The following TMPRSS7 variants were observed in gnomAD, a reference collection of about 807,000 sequenced individuals.
TMPRSS7 encodes transmembrane protease serine 7.
TMPRSS7 carries 81 observed loss-of-function variants against 95.6 expected under a neutral mutation model. The ratio of observed to expected loss-of-function variants is 0.85; its 90% CI spans 0.71 to 1.02. The LOEUF is 1.02. Ranked by LOEUF, TMPRSS7 falls within the 50% of genes least tolerant of loss-of-function variation. The pLI is 0.00. For missense variants in TMPRSS7, 945 were observed against 955.2 expected (o/e 0.99, Z 0.14); for synonymous variants, 364 against 337.8 (o/e 1.08, Z -0.85).
chr3:112,058,869 C>A (rs1212336962), intron 10 of TMPRSS7, among the ~76,000 whole-genome samples: 1 of 152,212 alleles, frequency 6.6e-6, no homozygotes, highest in Non-Finnish European at 1.5e-5. Context: ...CTTCACTAGG[C>A]TTGTGGGCTG....
At chr3:112,051,692 T>TATCTATCTATCC (rs1490134446) in intron 9 of TMPRSS7, among the ~76,000 whole-genome samples, 3 of 151,788 alleles carry the variant, frequency 2.0e-5, no homozygotes, top group Admixed American at 2.0e-4. Context: ...TCTATCTATC[T>TATCTATCTATCC]ATCTCTATTA....
chr3:112,043,501 G>A (rs1195526012), intron 3 of TMPRSS7, among the ~76,000 whole-genome samples: 1 of 150,720 alleles, frequency 6.6e-6, no homozygotes, highest in African/African-American at 2.4e-5. Flanking sequence ...CATGTTCTGT[G>A]TTGCACAGTG....
chr3:112,065,643 G>C (rs2073567802), intron 12 of TMPRSS7, among the ~76,000 whole-genome samples: 1 of 152,114 alleles, frequency 6.6e-6, no homozygotes, highest in Non-Finnish European at 1.5e-5. Context: ...TTTTAGGGCA[G>C]CAATATCCTC....
chr3:112,075,189 C>G (rs878990710), intron 14 of TMPRSS7, 132 bp from the exon 15 acceptor site: 1 of 845,678 alleles, frequency 1.2e-6, no homozygotes, highest in Non-Finnish European at 1.6e-6. Context: ...CTCACATGTT[C>G]TCTGTCCTCT....
rs139574201 is a variant in TMPRSS7, at chr3:112,058,763, G to A, written c.1310+1632G>A. ...TATCCCTAAATCACAACAACGACCC[G>A]GGATGTGTTTATTGCTGCCTAAGTA... On this transcript the variant is annotated intron_variant, in intron 10 of 17. Transcript: ENST00000452346. Among the ~76,000 whole-genome samples, 1,020 of 152,190 alleles carry A rather than the reference G, an allele frequency of 6.7e-3. 7 individuals are homozygous for A. The highest frequency in any genetic ancestry group is 0.023 in the African/African-American group (956 of 41,508).
chr3:112,078,926 A>C (rs755537411), intron 17 of TMPRSS7, 48 bp downstream of exon 17: 130 of 1,597,706 alleles, frequency 8.1e-5, no homozygotes, highest in Non-Finnish European at 1.0e-4. Context: ...GCTTTCCATA[A>C]ATGCTTTCTC....
Position 112,061,826 on chromosome 3 carries a change from AGT to A in TMPRSS7, c.1352_1353del (p.Val451AlafsTer39), listed in dbSNP as rs1436850542. On this transcript the variant is annotated frameshift_variant, in exon 11 of 18. Coordinates refer to ENST00000452346, the Ensembl canonical transcript of TMPRSS7. LOFTEE classifies it high-confidence loss of function. ...ACATGGATCATCAGACAATTTTTCGAGTGCCCAGCCCTCTGGTTCACATTCAG... is the reference window on the plus strand; with the variant it reads ...ACATGGATCATCAGACAATTTTTCGAGCCCAGCCCTCTGGTTCACATTCAG... The A allele has an allele frequency of 3.7e-6, 6 of 1,611,586 alleles. No homozygotes were observed. Among genetic ancestry groups the A allele is most frequent in the Non-Finnish European group, 5.1e-6 (6 of 1,178,708 alleles).
At chr3:112,049,924 T>C in exon 8 of TMPRSS7, 2 of 1,571,170 alleles carry the variant, frequency 1.3e-6, no homozygotes, top group Non-Finnish European at 1.7e-6. Context: ...TCTCCTCATA[T>C]ACGGAGGCTC....
downstream of TMPRSS7, chr3:112,081,236 T>C (rs879115651): frequency 4.1e-5 from 17 of 416,174 alleles, no homozygotes; most frequent in South Asian, 7.3e-4. Flanking sequence ...GTCAAGACCA[T>C]CCTGGCTAAC....
At chr3:112,079,974 TACACAGCCCTGTTCC>T (rs1415627460) in intron 17 of TMPRSS7, among the ~76,000 whole-genome samples, 5 of 152,150 alleles carry the variant, frequency 3.3e-5, no homozygotes, top group Admixed American at 1.3e-4. Context: ...GCTAGTCGGT[TACACAGCCCTGTTCC>T]ACACAGCCAC....
chr3:112,052,924 G>GA (rs61299463), intron 9 of TMPRSS7, among the ~76,000 whole-genome samples: 1,964 of 139,030 alleles, frequency 0.014, 36 homozygotes, highest in African/African-American at 0.048. Flanking sequence ...AAATGCTGAA[G>GA]AAAAAAAAAA....
In TMPRSS7 at chr3:112,078,801, T is replaced by C. The variant is rs745340819; in HGVS notation, c.2284T>C (p.Cys762Arg). Reference sequence around the variant, plus strand: ...GGTAGAGCTCATTGATCAAACGCTCTGTGTTTCCACCTACGGGATCATCAC... The same window carrying C: ...GGTAGAGCTCATTGATCAAACGCTCCGTGTTTCCACCTACGGGATCATCAC... Residue 762 changes from cysteine to arginine, a missense_variant, in exon 17 of 18, where the codon TGT becomes CGT. Cys to Arg is a radical substitution (Grantham distance 180). Coordinates refer to ENST00000452346, the Ensembl canonical transcript of TMPRSS7. 3 of 1,614,224 alleles carry C rather than the reference T, an allele frequency of 1.9e-6. No individual in the cohort carries two copies. In the South Asian group the frequency reaches 3.3e-5, roughly 18 times the overall value.
intron 4 of TMPRSS7, among the ~76,000 whole-genome samples, chr3:112,045,466 G>T (rs2073266063): frequency 6.6e-6 from 1 of 152,210 alleles, no homozygotes; most frequent in South Asian, 2.1e-4. Context: ...AAATTTTAAT[G>T]GCAGTGAATA....
chr3:112,077,022 G>T (rs566777394), exon 16 of TMPRSS7: 56 of 1,614,172 alleles, frequency 3.5e-5, no homozygotes, highest in Non-Finnish European at 4.7e-5. Context: ...CTACAGCTCA[G>T]TATTGCCTGG....
At position 112,038,070 on chromosome 3, in the gene TMPRSS7, A is replaced by C; in HGVS notation, c.49-2A>C. 1 of 699,594 alleles carries C rather than the reference A, an allele frequency of 1.4e-6. No homozygotes were observed. 43.3% of individuals were successfully genotyped at this position (699,594 alleles called of 1,614,324 possible). On this transcript the variant is annotated splice_acceptor_variant, in intron 1 of 17. Transcript: ENST00000452346. LOFTEE classifies it high-confidence loss of function. ...AACATATCTTATTTCTTTTTTTTGA[A>C]GATATCCAATATCTCAGTCCAAGTG...
chr3:112,049,828 T>C lies in TMPRSS7; in HGVS notation c.960-16T>C, dbSNP rs2073323660. The C allele has an allele frequency of 1.3e-6, 2 of 1,507,558 alleles. 1 individual carries two copies. Among genetic ancestry groups the C allele is most frequent in the South Asian group, 2.7e-5 (2 of 73,952 alleles). The allele number at this position is 1,507,558 out of a possible 1,614,324, so 93.4% of individuals were successfully genotyped here. A position where few individuals can be genotyped will look rare whatever the true frequency, so the allele number is the denominator to read the frequency against. On this transcript the variant is annotated splice_polypyrimidine_tract_variant and intron_variant, in intron 7 of 17. Coordinates refer to ENST00000452346, the Ensembl canonical transcript of TMPRSS7. ...ACGTATTATTCATGTACTTTTGTTT[T>C]ATTATCTGCTTTCAGAATTTGTGAA...
chr3:112,059,969 C>A (rs528106103), intron 10 of TMPRSS7, among the ~76,000 whole-genome samples: 9 of 152,142 alleles, frequency 5.9e-5, no homozygotes, highest in Non-Finnish European at 1.0e-4. Context: ...CATGTAGGTT[C>A]TTTTCTATTT....
intron 9 of TMPRSS7, among the ~76,000 whole-genome samples, chr3:112,051,365 G>A (rs544973212): frequency 1.2e-4 from 18 of 152,184 alleles, no homozygotes; most frequent in African/African-American, 3.6e-4. Flanking sequence ...TAGATTACAC[G>A]CAAATACTAC....
chr3:112,056,306 G>C (rs982142161), intron 9 of TMPRSS7, among the ~76,000 whole-genome samples: 3 of 152,218 alleles, frequency 2.0e-5, no homozygotes, highest in Admixed American at 6.5e-5. Context: ...CTAAGAATTA[G>C]AAAGCTTAAA....
Sources: allele counts gnomAD v4.1 joint callset (sites outside exome capture counted in the v4.1 genomes callset), GRCh38; gene constraint gnomAD v4.1.1; transcripts MANE v1.5; gene names NCBI Gene and HGNC (gene_info 2026-07-23, HGNC 2026-07-21).